The following PARL variants were observed in gnomAD, a reference collection of about 807,000 sequenced individuals.
PARL encodes the protein presenilin-associated rhomboid-like protein, mitochondrial.
In PARL, 44 loss-of-function variants were observed where a neutral mutation model predicts 51.6. That is an observed-to-expected ratio of 0.85 (90% CI 0.67 to 1.10). The LOEUF (loss-of-function observed/expected upper bound fraction) is 1.10. PARL is among the 50% of genes least tolerant of loss of function. The pLI is 0.00. For synonymous variants in PARL, 172 were observed against 164.0 expected (o/e 1.05, Z -0.37); for missense variants, 441 against 469.5 (o/e 0.94, Z 0.56).
In PARL at chr3:183,868,046, A is replaced by G. The variant is rs756297359; in HGVS notation, c.140T>C (p.Ile47Thr). Reference protein sequence around the residue: ...QLLGRRFNFFIQQKCGFRKAP... With the variant: ...QLLGRRFNFFTQQKCGFRKAP... Reference sequence around the variant, plus strand: ...TTTTCTGAATCCGCATTTTTGTTGAATAAAGAAGTTAAACCTATGGGGCAA... The same window carrying G: ...TTTTCTGAATCCGCATTTTTGTTGAGTAAAGAAGTTAAACCTATGGGGCAA... Residue 47 changes from isoleucine to threonine, a missense_variant, in exon 2 of 10, where the codon ATT becomes ACT. Physicochemically the swap from Ile to Thr is moderately conservative, Grantham distance 89. Coordinates refer to ENST00000317096, the MANE Select transcript of PARL (RefSeq NM_018622.7). The G allele has an allele frequency of 6.2e-7, 1 of 1,614,036 alleles. No individual in the cohort carries two copies. The highest frequency in any genetic ancestry group is 1.7e-5 in the Admixed American group (1 of 60,016).
chr3:183,876,262 G>A (rs886088821), intron 1 of PARL, among the ~76,000 whole-genome samples: 1 of 152,088 alleles, frequency 6.6e-6, no homozygotes, highest in African/African-American at 2.4e-5. Context: ...GGCCAGGGTG[G>A]TCTTGAACTC....
intron 9 of PARL, among the ~76,000 whole-genome samples, chr3:183,832,926 TCA>T: frequency 6.6e-6 from 1 of 152,194 alleles, no homozygotes; most frequent in Non-Finnish European, 1.5e-5. Context: ...TGTCTGAGCC[TCA>T]GTTTCCCATC....
chr3:183,877,557 A>G (rs1733987190), intron 1 of PARL, among the ~76,000 whole-genome samples: 1 of 152,198 alleles, frequency 6.6e-6, no homozygotes, highest in Non-Finnish European at 1.5e-5. Context: ...GAGTCAATCA[A>G]CGTGGCGAAC....
At chr3:183,827,885 A>G (rs994536981), downstream of PARL, among the ~76,000 whole-genome samples, 1 of 152,208 alleles carries the variant, frequency 6.6e-6, no homozygotes, top group Non-Finnish European at 1.5e-5. Flanking sequence ...CACCCACTCA[A>G]GAAGTGTATG....
intron 9 of PARL, among the ~76,000 whole-genome samples, chr3:183,830,293 C>A (rs1018308627): frequency 2.0e-5 from 3 of 152,230 alleles, no homozygotes; most frequent in Non-Finnish European, 4.4e-5. Flanking sequence ...GGGAGGCTGA[C>A]GCACAGAGAG....
At chr3:183,848,845 G>C (rs1053628500) in intron 4 of PARL, among the ~76,000 whole-genome samples, 5 of 152,142 alleles carry the variant, frequency 3.3e-5, no homozygotes, top group Admixed American at 6.6e-5. Context: ...AAAAGCAGGG[G>C]AATAAGATTT....
rs1553906101 is a variant in PARL, at chr3:183,882,249, A to ATATATT, written c.125+2472_125+2473insAATATA. Among the ~76,000 whole-genome samples the ATATATT allele has an allele frequency of 1.8e-3, 77 of 43,892 alleles. 6 individuals are homozygous for ATATATT. In the East Asian group the frequency reaches 0.035, roughly 20 times the overall value. The allele number at this position is 43,892 out of a possible 152,430, so 28.8% of individuals were successfully genotyped here. On this transcript the variant is annotated intron_variant, in intron 1 of 9. Coordinates refer to ENST00000317096, the MANE Select transcript of PARL (RefSeq NM_018622.7). Reference sequence around the variant, plus strand: ...TATATATATATATATATATATTTATATATATATATATATATATATTTATAT... The same window carrying ATATATT: ...TATATATATATATATATATATTTATATATATTTATATATATATATATATATTTATAT...
At chr3:183,833,632 C>T in intron 8 of PARL, 43 bp from the exon 9 acceptor site, 3 of 1,500,382 alleles carry the variant, frequency 2.0e-6, no homozygotes, top group Middle Eastern at 1.7e-4. Context: ...GTGATTGCTC[C>T]AGCACTGACA....
intron 4 of PARL, among the ~76,000 whole-genome samples, chr3:183,854,845 A>G (rs1039809435): frequency 6.6e-6 from 1 of 151,946 alleles, no homozygotes; most frequent in Non-Finnish European, 1.5e-5. Flanking sequence ...AAATGTGCAC[A>G]TGGAGGTTCA....
chr3:183,865,515 A>T (rs969716530), intron 3 of PARL, among the ~76,000 whole-genome samples: 1 of 152,144 alleles, frequency 6.6e-6, no homozygotes, highest in Admixed American at 6.6e-5. Flanking sequence ...CTCCTGTCAG[A>T]TCAGTGGCTG....
At chr3:183,879,155 C>G (rs2108717320) in intron 1 of PARL, among the ~76,000 whole-genome samples, 2 of 152,324 alleles carry the variant, frequency 1.3e-5, no homozygotes, top group South Asian at 4.1e-4. Context: ...TCCATGCCCT[C>G]TTCTCCTTTT....
chr3:183,882,036 A>C (rs1734491683), intron 1 of PARL, among the ~76,000 whole-genome samples: 1 of 151,102 alleles, frequency 6.6e-6, no homozygotes, highest in African/African-American at 2.4e-5. Context: ...CCCCGTCTCT[A>C]CAAAAAACAC....
intron 9 of PARL, among the ~76,000 whole-genome samples, chr3:183,830,097 T>C (rs1333615561): frequency 6.6e-6 from 1 of 152,216 alleles, no homozygotes; most frequent in Non-Finnish European, 1.5e-5. Context: ...TGACTCGATG[T>C]TCTGAAGTGT....
At chr3:183,878,964 A>T (rs141963040) in intron 1 of PARL, among the ~76,000 whole-genome samples, 2 of 152,312 alleles carry the variant, frequency 1.3e-5, no homozygotes, top group African/African-American at 4.8e-5. Flanking sequence ...GTCCTAGATG[A>T]TACCCAAACT....
chr3:183,869,176 C>A (rs907977217), intron 1 of PARL, among the ~76,000 whole-genome samples: 1 of 152,164 alleles, frequency 6.6e-6, no homozygotes, highest in Non-Finnish European at 1.5e-5. Context: ...AAGTAAAGAT[C>A]CCTTTCTGTT....
In PARL at chr3:183,829,477, A is replaced by T; in HGVS notation, c.*121T>A. ...CGGACTGGGGGACACAGCTGAAAACAGTGGGAGGCCAGATGCTGGCATCTT... is the reference window on the plus strand; with the variant it reads ...CGGACTGGGGGACACAGCTGAAAACTGTGGGAGGCCAGATGCTGGCATCTT... On this transcript the variant is annotated 3_prime_UTR_variant, in exon 10 of 10. Transcript: ENST00000317096. The T allele has an allele frequency of 6.2e-7, 1 of 1,609,030 alleles. No homozygotes were observed. The highest frequency in any genetic ancestry group is 8.5e-7 in the Non-Finnish European group (1 of 1,177,958).
Position 183,884,856 on chromosome 3 carries a change from C to G in PARL, c.-10G>C, listed in dbSNP as rs1326249638. ...AGCCTCGCCACGCCATCTTCCCAACCTCTGCCCCACCATGGCCCGACCTTA... is the reference window on the plus strand; with the variant it reads ...AGCCTCGCCACGCCATCTTCCCAACGTCTGCCCCACCATGGCCCGACCTTA... On this transcript the variant is annotated 5_prime_UTR_variant, in exon 1 of 10. Transcript: ENST00000317096. The G allele has an allele frequency of 6.3e-7, 1 of 1,596,980 alleles. No individual in the cohort carries two copies. The highest frequency in any genetic ancestry group is 1.1e-5 in the South Asian group (1 of 90,774).
At chr3:183,843,419 G>A (rs1577306533) in intron 5 of PARL, 1 of 294,726 alleles carries the variant, frequency 3.4e-6, no homozygotes, top group Non-Finnish European at 5.0e-6. Context: ...GGGGGCTGAG[G>A]TGGGAGGATC....
chr3:183,844,538 T>C (rs1729730621), intron 4 of PARL: 32 of 526,534 alleles, frequency 6.1e-5, no homozygotes, highest in South Asian at 4.7e-4. Context: ...TCCTGGGAAA[T>C]TGTAAATGCT....
Sources: gnomAD v4.1 joint callset for allele counts (sites outside exome capture counted in the v4.1 genomes callset) on GRCh38, gnomAD v4.1.1 for gene constraint, MANE v1.5 for transcripts, NCBI Gene and HGNC (gene_info 2026-07-23, HGNC 2026-07-21) for gene names.